The following MAP3K1 variants were observed in gnomAD, a reference collection of about 807,000 sequenced individuals.
The protein encoded by MAP3K1 is mitogen-activated protein kinase kinase kinase 1, also known as MAP/ERK kinase kinase 1.
Under a neutral mutation model 144.2 loss-of-function variants are expected in MAP3K1, and 36 were observed. The ratio of observed to expected loss-of-function variants is 0.25; its 90% confidence interval spans 0.19 to 0.33. The LOEUF is 0.33. Ranked by LOEUF, MAP3K1 falls within the 10% of genes least tolerant of loss-of-function variation. The pLI, the probability that MAP3K1 is intolerant of heterozygous loss-of-function variation, is 1.00. For synonymous variants in MAP3K1, 718 were observed against 688.7 expected, an observed-to-expected ratio of 1.04 and a Z score of -0.67; for missense variants, 1,650 against 1,881.9, an observed-to-expected ratio of 0.88 and a Z score of 2.28.
intron 16 of MAP3K1, 61 bp downstream of exon 16, chr5:56,884,887 G>A (rs1748334766): frequency 6.8e-7 from 1 of 1,477,816 alleles, no homozygotes; most frequent in Non-Finnish European, 9.4e-7. Context: ...TGCAATTTAG[G>A]AAAAACCAGT....
intron 1 of MAP3K1, among the ~76,000 whole-genome samples, chr5:56,832,808 T>G (rs1349056574): frequency 6.6e-6 from 1 of 152,274 alleles, no homozygotes; most frequent in African/African-American, 2.4e-5. Context: ...CTTTTTAAAT[T>G]AAATTATCTA....
intron 1 of MAP3K1, among the ~76,000 whole-genome samples, chr5:56,847,185 T>G (rs980089669): frequency 6.6e-6 from 1 of 152,246 alleles, no homozygotes; most frequent in African/African-American, 2.4e-5. Context: ...TTGATGATGT[T>G]TATCCATATT....
chr5:56,877,109 T>C (rs891147896), intron 10 of MAP3K1, among the ~76,000 whole-genome samples: 1 of 152,202 alleles, frequency 6.6e-6, no homozygotes, highest in Non-Finnish European at 1.5e-5. Context: ...CCCAGAGTTA[T>C]TTTGCTACAC....
At chr5:56,816,209 C>G (rs1272257555) in intron 1 of MAP3K1, among the ~76,000 whole-genome samples, 154 bp downstream of exon 1, 1 of 152,084 alleles carries the variant, frequency 6.6e-6, no homozygotes, top group South Asian at 2.1e-4. Context: ...CCCCCGACCC[C>G]TTCGGAGTCG....
intron 1 of MAP3K1, among the ~76,000 whole-genome samples, chr5:56,827,439 T>G (rs991716109): frequency 5.9e-5 from 9 of 152,218 alleles, no homozygotes; most frequent in Non-Finnish European, 1.3e-4. Context: ...CTTCAGTAGC[T>G]CCATGTAGTT....
rs993287904 is a variant in MAP3K1 at position 56,881,887 on chromosome 5, C to T, written c.2687C>T (p.Thr896Ile). The T allele has an allele frequency of 1.9e-6, 3 of 1,613,962 alleles. No individual in the cohort carries two copies. The highest frequency in any genetic ancestry group is 2.7e-5 in the African/African-American group (2 of 74,894). ...QASVPNNYLE[T>I]TENSSPECTV... is the part of the protein sequence containing the mutation. ...TCTGTTCCCAACAACTATCTGGAAA[C>T]CACAGAGAACAGTTCCCCTGAGTGC... The change falls in exon 14 of 20, where the codon ACC (threonine) becomes ATC (isoleucine). Residue 896 changes from threonine to isoleucine, a missense_variant. This residue lies in a region of MAP3K1 where 841 missense variants were observed against 886.5 expected (regional missense o/e 0.95). Coordinates refer to ENST00000399503, the MANE Select transcript of MAP3K1 (RefSeq NM_005921.2).
chr5:56,861,918 T>C (rs1468847426), intron 3 of MAP3K1, among the ~76,000 whole-genome samples: 1 of 152,006 alleles, frequency 6.6e-6, no homozygotes, highest in African/African-American at 2.4e-5. Context: ...TCTGGAGTTA[T>C]TAAGGTACAT....
At chr5:56,850,415 C>G (rs775941795) in intron 1 of MAP3K1, among the ~76,000 whole-genome samples, 1 of 152,078 alleles carries the variant, frequency 6.6e-6, no homozygotes, top group East Asian at 1.9e-4. Context: ...TTTCTACGAT[C>G]GTTATAGTCT....
chr5:56,833,074 G>A (rs556390138), intron 1 of MAP3K1, among the ~76,000 whole-genome samples: 24 of 152,112 alleles, frequency 1.6e-4, no homozygotes, highest in Non-Finnish European at 2.9e-5. Flanking sequence ...GTTTCACCAT[G>A]TTGGCTAGGA....
chr5:56,890,572 G>C (rs1310361680), intron 19 of MAP3K1, among the ~76,000 whole-genome samples: 1 of 152,128 alleles, frequency 6.6e-6, no homozygotes, highest in South Asian at 2.1e-4. Context: ...TATGCCCATT[G>C]TTAGGAATTT....
chr5:56,861,432 C>T (rs1261193669), intron 3 of MAP3K1, among the ~76,000 whole-genome samples: 1 of 151,800 alleles, frequency 6.6e-6, no homozygotes. Flanking sequence ...ATTAGCCAGG[C>T]GTGGTGGCAG....
chr5:56,842,109 C>T (rs1013296670), intron 1 of MAP3K1: 1 of 152,152 alleles, frequency 6.6e-6, no homozygotes, highest in Non-Finnish European at 1.5e-5. Context: ...GTTGAAGCCT[C>T]CTTTGTCTTC....
At chr5:56,817,173 A>T (rs1746003956) in intron 1 of MAP3K1, 2 of 850,892 alleles carry the variant, frequency 2.4e-6, no homozygotes, top group Admixed American at 6.2e-5. Flanking sequence ...GGAAATTTTT[A>T]TGTTAAAGGA....
chr5:56,825,980 A>G (rs1289459868), intron 1 of MAP3K1, among the ~76,000 whole-genome samples: 1 of 150,968 alleles, frequency 6.6e-6, no homozygotes, highest in African/African-American at 2.4e-5. Flanking sequence ...TTTTTTTTTT[A>G]AAGAAAACAA....
In MAP3K1 at chr5:56,872,669, A is replaced by C; in HGVS notation, c.1452A>C (p.Glu484Asp). The C allele has an allele frequency of 6.2e-7, 1 of 1,608,744 alleles. No individual in the cohort carries two copies. Among genetic ancestry groups the C allele is most frequent in the African/African-American group, 1.3e-5 (1 of 74,930 alleles). Residue 484 changes from glutamate to aspartate, a missense_variant, in exon 8 of 20, where the codon GAA (glutamate) becomes GAC (aspartate). Around this residue, in one of 6 missense-constraint regions of MAP3K1, gnomAD observed 125 missense variants for 179.9 expected, o/e 0.69. Transcript: ENST00000399503. Reference sequence around the variant, plus strand: ...CAGAAGAGTGTAGAAGAAATAGAGAACCTTTAATATGTCCCCTTTGTAGAT... The same window carrying C: ...CAGAAGAGTGTAGAAGAAATAGAGACCCTTTAATATGTCCCCTTTGTAGAT... ...IWAEECRRNREPLICPLCRSK... is the reference protein window; with the variant it reads ...IWAEECRRNRDPLICPLCRSK...
intron 18 of MAP3K1, chr5:56,887,781 G>A: frequency 2.0e-6 from 1 of 493,316 alleles, no homozygotes; most frequent in Non-Finnish European, 3.7e-6. Context: ...TATAGCAGTT[G>A]TTTTGTAATA....
intron 1 of MAP3K1, among the ~76,000 whole-genome samples, chr5:56,844,187 T>G (rs1401731304): frequency 7.7e-6 from 1 of 129,492 alleles, no homozygotes; most frequent in African/African-American, 2.9e-5. Context: ...TTTTTGGTTT[T>G]TTTTTTTTTT....
At chr5:56,849,857 G>C (rs1455185706) in intron 1 of MAP3K1, among the ~76,000 whole-genome samples, 1 of 152,204 alleles carries the variant, frequency 6.6e-6, no homozygotes, top group Non-Finnish European at 1.5e-5. Context: ...GGAAGACACA[G>C]ACTGTGAAAT....
intron 1 of MAP3K1, among the ~76,000 whole-genome samples, chr5:56,851,700 A>G (rs1747178449): frequency 6.6e-6 from 1 of 152,202 alleles, no homozygotes; most frequent in Non-Finnish European, 1.5e-5. Context: ...ACTCAGGCGT[A>G]CAATACCGTT....
Sources: gnomAD v4.1 joint callset for allele counts (sites outside exome capture counted in the v4.1 genomes callset) on GRCh38, gnomAD v4.1.1 for gene constraint, gnomAD v4.1.1 regional missense constraint, MANE v1.5 for transcripts, NCBI Gene and HGNC (gene_info 2026-07-23, HGNC 2026-07-21) for gene names.